KANK1: variants seen among roughly 807,000 people sequenced by gnomAD.
The protein encoded by KANK1 is KN motif and ankyrin repeat domains 1.
A neutral mutation model predicts 106.2 loss-of-function variants in KANK1; 109 were observed. The ratio of observed to expected loss-of-function variants is 1.03; its 90% CI spans 0.88 to 1.20. The LOEUF is 1.20. KANK1 is among the 50% of genes most tolerant of loss of function. The probability of loss-of-function intolerance (pLI) is 0.00; values close to 1 mark genes in which losing one functional copy is unlikely to be tolerated. For synonymous variants in KANK1, 873 were observed against 652.2 expected (o/e 1.34, Z -5.16); for missense variants, 2,399 against 1,710.7 (o/e 1.40, Z -7.10).
intron 1 of KANK1, among the ~76,000 whole-genome samples, chr9:551,510 C>T (rs2061280163): frequency 6.6e-6 from 1 of 152,102 alleles, no homozygotes; most frequent in African/African-American, 2.4e-5. Context: ...TCTGTGAACC[C>T]AACTGATCTG....
chr9:591,417 G>A (rs1824844776), intron 1 of KANK1, among the ~76,000 whole-genome samples: 1 of 151,726 alleles, frequency 6.6e-6, no homozygotes, highest in South Asian at 2.1e-4. Context: ...CCCTGCCTGA[G>A]CTCGTCATGG....
At chr9:546,210 G>T (rs373187156) in intron 1 of KANK1, among the ~76,000 whole-genome samples, 6 of 152,088 alleles carry the variant, frequency 3.9e-5, no homozygotes, top group African/African-American at 1.2e-4. Flanking sequence ...TGGTGGCCTA[G>T]GATATATCTG....
At chr9:620,498 G>A (rs1311188916) in intron 1 of KANK1, among the ~76,000 whole-genome samples, 2 of 151,996 alleles carry the variant, frequency 1.3e-5, no homozygotes, top group Non-Finnish European at 2.9e-5. Context: ...CACCTCCCAG[G>A]TTCAAGCGAT....
intron 1 of KANK1, among the ~76,000 whole-genome samples, chr9:510,010 C>G (rs1484608116): frequency 6.6e-6 from 1 of 150,494 alleles, no homozygotes; most frequent in Non-Finnish European, 1.5e-5. Context: ...TGGGGTCTTG[C>G]TAGGTTGTCC....
intron 1 of KANK1, among the ~76,000 whole-genome samples, chr9:585,200 C>T (rs928748718): frequency 6.6e-6 from 1 of 152,170 alleles, no homozygotes; most frequent in Non-Finnish European, 1.5e-5. Context: ...TTTCATTTAC[C>T]CCTGGAGCTT....
chr9:525,669 T>C (rs1333215359), intron 1 of KANK1, among the ~76,000 whole-genome samples: 1 of 151,638 alleles, frequency 6.6e-6, no homozygotes, highest in African/African-American at 2.4e-5. Context: ...AGCCGTAGAA[T>C]TTCATATTTT....
At chr9:598,151 C>T (rs1406735597) in intron 1 of KANK1, among the ~76,000 whole-genome samples, 1 of 151,514 alleles carries the variant, frequency 6.6e-6, no homozygotes, top group African/African-American at 2.4e-5. Context: ...GGTCTTTGTA[C>T]CCTTGTTAAA....
chr9:664,156 T>A (rs1308379738), intron 1 of KANK1, among the ~76,000 whole-genome samples: 1 of 152,158 alleles, frequency 6.6e-6, no homozygotes, highest in East Asian at 1.9e-4. Flanking sequence ...TACTGATCTA[T>A]CGAACACCAA....
rs951631768 is a variant in KANK1, at chr9:706,989, G to A, written c.38-3815G>A. 15 of 985,330 alleles carry A rather than the reference G, an allele frequency of 1.5e-5. No homozygotes were observed. In the South Asian group the frequency reaches 6.1e-4, roughly 40 times the overall value. 61.0% of individuals were successfully genotyped at this position (985,330 alleles called of 1,614,324 possible). A position where few individuals can be genotyped will look rare whatever the true frequency, so the allele number is the denominator to read the frequency against. ...AGAACACACATTTTCAGAAGATACC[G>A]GTTTCCTGTTTTCATTAAGAAAACA... On this transcript the variant is annotated intron_variant, in intron 2 of 11. Coordinates refer to ENST00000382297, the MANE Select transcript of KANK1 (RefSeq NM_015158.5).
intron 3 of KANK1, chr9:495,127 C>T (rs1321473888): frequency 6.6e-6 from 1 of 152,130 alleles, no homozygotes; most frequent in Non-Finnish European, 1.5e-5. Flanking sequence ...TTGGAAAAAT[C>T]CTGTAAGTAA....
At position 566,578 on chromosome 9, in the gene KANK1, G is replaced by C. The variant is rs888926302; in HGVS notation, c.-84+61824G>C. On this transcript the variant is annotated intron_variant, in intron 1 of 11. Transcript: ENST00000382297. ...GACAGGTGCGAGATGGTATCTCCTT[G>C]TGGTTGTTATTTGCGTTTCTCTAAT... Among the ~76,000 whole-genome samples the C allele has an allele frequency of 6.6e-5, 10 of 152,140 alleles. 1 individual carries two copies. Among genetic ancestry groups the C allele is most frequent in the Admixed American group, 6.5e-4 (10 of 15,284 alleles).
At chr9:586,176 T>C (rs1489570407) in intron 1 of KANK1, among the ~76,000 whole-genome samples, 1 of 152,208 alleles carries the variant, frequency 6.6e-6, no homozygotes, top group Non-Finnish European at 1.5e-5. Context: ...GCAGACATAC[T>C]TGTCTAAGTT....
chr9:624,419 A>G (rs956546795), intron 1 of KANK1, among the ~76,000 whole-genome samples: 39 of 152,196 alleles, frequency 2.6e-4, no homozygotes, highest in Admixed American at 2.6e-3. Flanking sequence ...AAATAATCAC[A>G]TTGTATACTT....
intron 1 of KANK1, among the ~76,000 whole-genome samples, chr9:620,069 A>G (rs10815352): frequency 0.93 from 140,727 of 151,948 alleles, 65,491 homozygotes; most frequent in African/African-American, 0.99. Context: ...CCTCGGAGGC[A>G]GAGGTTGAGC....
chr9:585,953 G>A (rs1219335474), intron 1 of KANK1, among the ~76,000 whole-genome samples: 1 of 152,178 alleles, frequency 6.6e-6, no homozygotes, highest in African/African-American at 2.4e-5. Flanking sequence ...ATTATCACTA[G>A]GGATGTAGAT....
intron 7 of KANK1, among the ~76,000 whole-genome samples, chr9:736,697 C>CAAAAAAA (rs35527047): frequency 7.0e-6 from 1 of 142,338 alleles, no homozygotes. Context: ...GACACCCTCT[C>CAAAAAAA]AAAAAAAAAA....
intron 1 of KANK1, among the ~76,000 whole-genome samples, chr9:511,930 A>T (rs1312556853): frequency 6.6e-6 from 1 of 152,076 alleles, no homozygotes; most frequent in African/African-American, 2.4e-5. Flanking sequence ...GGGCTGGGTG[A>T]TTCTGCTGCT....
chr9:477,447 A>G (rs1236720886), intron 3 of KANK1, among the ~76,000 whole-genome samples: 2 of 152,250 alleles, frequency 1.3e-5, no homozygotes, highest in East Asian at 1.9e-4. Flanking sequence ...GGTCAGAACA[A>G]TGAACCTGAA....
intron 6 of KANK1, 53 bp from the exon 7 acceptor site, chr9:734,695 T>A: frequency 1.5e-6 from 2 of 1,338,014 alleles, no homozygotes; most frequent in East Asian, 4.6e-5. Context: ...TGGGTTGAAA[T>A]AAAAATGATT....
Sources: allele counts gnomAD v4.1 joint callset (sites outside exome capture counted in the v4.1 genomes callset), GRCh38; gene constraint gnomAD v4.1.1; transcripts MANE v1.5; gene names NCBI Gene and HGNC (gene_info 2026-07-23, HGNC 2026-07-21).